MYO16: variants seen among roughly 807,000 people sequenced by gnomAD.
MYO16 encodes the protein unconventional myosin-XVI.
Under a neutral mutation model 205.3 loss-of-function variants are expected in MYO16, and 94 were observed. The ratio of observed to expected loss-of-function variants is 0.46; its 90% CI spans 0.39 to 0.54. The LOEUF (loss-of-function observed/expected upper bound fraction) is 0.54, where lower values mean the gene tolerates loss of function less well. Among genes scored for constraint, MYO16 ranks in the 20% least tolerant of loss-of-function variants. The pLI is 0.00. For synonymous variants in MYO16, 988 were observed against 954.0 expected, an observed-to-expected ratio of 1.04 and a Z score of -0.66; for missense variants, 2,315 against 2,387.5, an observed-to-expected ratio of 0.97 and a Z score of 0.63.
the MYO16 span, among the ~76,000 whole-genome samples, chr13:108,581,622 A>C: frequency 2.0e-5 from 3 of 152,090 alleles, no homozygotes; most frequent in African/African-American, 7.2e-5. Flanking sequence ...GCAATGGTTC[A>C]TGCCTGTAAT....
intron 16 of MYO16, among the ~76,000 whole-genome samples, chr13:108,911,803 C>A (rs76264736): frequency 2.0e-5 from 3 of 151,822 alleles, no homozygotes; most frequent in African/African-American, 7.3e-5. Flanking sequence ...GTGGTGCAGG[C>A]GATGAGGAAT....
chr13:109,060,796 C>T (rs1887569051), intron 27 of MYO16, among the ~76,000 whole-genome samples: 1 of 152,098 alleles, frequency 6.6e-6, no homozygotes, highest in Non-Finnish European at 1.5e-5. Flanking sequence ...AAATTACCAG[C>T]TGTATTAGCC....
intron 1 of MYO16, among the ~76,000 whole-genome samples, chr13:108,637,868 G>T (rs900014158): frequency 1.3e-5 from 2 of 151,588 alleles, no homozygotes; most frequent in Non-Finnish European, 2.9e-5. Flanking sequence ...CAAATAAATA[G>T]ATTAATTAAT....
At chr13:109,011,537 CAG>C (rs925031303) in intron 22 of MYO16, among the ~76,000 whole-genome samples, 4 of 129,830 alleles carry the variant, frequency 3.1e-5, no homozygotes, top group Non-Finnish European at 4.7e-5. Context: ...TTGTTTGAGA[CAG>C]AGTCTCGCTC....
the MYO16 span, among the ~76,000 whole-genome samples, chr13:108,507,674 G>T: frequency 6.6e-6 from 1 of 152,048 alleles, no homozygotes; most frequent in South Asian, 2.1e-4. Context: ...GATTAGAGAA[G>T]TTTCCAGCCA....
intron 20 of MYO16, among the ~76,000 whole-genome samples, chr13:108,981,399 T>C (rs1176293033): frequency 6.6e-6 from 1 of 152,268 alleles, no homozygotes; most frequent in Non-Finnish European, 1.5e-5. Context: ...ATCCATGCCA[T>C]GTACAATATA....
chr13:109,065,751 C>T (rs533169764), intron 27 of MYO16, among the ~76,000 whole-genome samples: 4 of 152,220 alleles, frequency 2.6e-5, no homozygotes, highest in African/African-American at 4.8e-5. Flanking sequence ...ATCTTCATCC[C>T]GGCTTATGAG....
chr13:109,140,190 A>T lies in MYO16; in HGVS notation c.4052-74A>T. 1 of 1,558,530 alleles carries T rather than the reference A, an allele frequency of 6.4e-7. No homozygotes were observed. Among genetic ancestry groups the T allele is most frequent in the Non-Finnish European group, 8.6e-7 (1 of 1,161,518 alleles). ...GGGCACGGGGCCGTGGCTCCCTCCGAGTCGAGCCCCGGGCTTGGTGGGCAC... is the reference window on the plus strand; with the variant it reads ...GGGCACGGGGCCGTGGCTCCCTCCGTGTCGAGCCCCGGGCTTGGTGGGCAC... On this transcript the variant is annotated intron_variant, in intron 31 of 34. Transcript: ENST00000457511. This position sits in a 1 kb window ranked among gnomAD's most constrained non-coding sequence, Gnocchi z 8.0.
chr13:109,146,829 GAGAA>G (rs1009200042), intron 32 of MYO16, among the ~76,000 whole-genome samples: 1 of 147,772 alleles, frequency 6.8e-6, no homozygotes, highest in African/African-American at 2.5e-5. Context: ...GAAAGAAAGA[GAGAA>G]AGAGAAAAAG....
chr13:109,014,611 C>G (rs1885739069), intron 22 of MYO16, among the ~76,000 whole-genome samples: 2 of 152,224 alleles, frequency 1.3e-5, no homozygotes, highest in Admixed American at 6.5e-5. Context: ...TTGGAATGTT[C>G]TTCCATTTGT....
intron 7 of MYO16, among the ~76,000 whole-genome samples, chr13:108,814,773 G>A (rs1887398732): frequency 6.6e-6 from 1 of 152,264 alleles, no homozygotes; most frequent in East Asian, 1.9e-4. Context: ...TTTTTATAGT[G>A]AGAACACTGG....
At chr13:108,675,316 T>G (rs1882154421) in intron 2 of MYO16, among the ~76,000 whole-genome samples, 2 of 152,194 alleles carry the variant, frequency 1.3e-5, no homozygotes, top group Admixed American at 6.5e-5. Flanking sequence ...ATAGATACAT[T>G]CAGTGCATTA....
the MYO16 span, among the ~76,000 whole-genome samples, chr13:108,527,311 A>G: frequency 6.6e-6 from 1 of 152,194 alleles, no homozygotes; most frequent in Non-Finnish European, 1.5e-5. Flanking sequence ...GACAAGCTGC[A>G]GATTAACTGT....
intron 2 of MYO16, among the ~76,000 whole-genome samples, chr13:108,711,250 G>A (rs997933646): frequency 6.6e-5 from 10 of 152,212 alleles, no homozygotes; most frequent in African/African-American, 7.2e-5. Flanking sequence ...GACACGAGCT[G>A]TCAGGTTACA....
intron 27 of MYO16, among the ~76,000 whole-genome samples, chr13:109,067,616 C>A (rs900897254): frequency 6.6e-6 from 1 of 152,164 alleles, no homozygotes; most frequent in African/African-American, 2.4e-5. Context: ...GGCACTGTGA[C>A]ATCAGGTGAA....
chr13:108,954,401 G>A (rs892881714), intron 16 of MYO16, among the ~76,000 whole-genome samples: 6 of 152,162 alleles, frequency 3.9e-5, no homozygotes, highest in East Asian at 3.9e-4. Context: ...AACCTGCTGC[G>A]AGGACCAGAA....
intron 2 of MYO16, among the ~76,000 whole-genome samples, chr13:108,695,672 GTTAC>G (rs1417126306): frequency 6.6e-6 from 1 of 151,980 alleles, no homozygotes; most frequent in African/African-American, 2.4e-5. Flanking sequence ...TTAGTAAGCA[GTTAC>G]TTACTAAAAT....
At chr13:109,136,377 G>T (rs1876778568) in intron 31 of MYO16, among the ~76,000 whole-genome samples, 1 of 152,192 alleles carries the variant, frequency 6.6e-6, no homozygotes, top group Non-Finnish European at 1.5e-5. Flanking sequence ...GCAGGCATGA[G>T]TCACTGTGCC....
chr13:109,048,409 ATTT>A, intron 24 of MYO16: 3 of 548,914 alleles, frequency 5.5e-6, no homozygotes, highest in Non-Finnish European at 6.8e-6. Flanking sequence ...GAGGTGTCAG[ATTT>A]TTTTTTTTGT....
Sources: gnomAD v4.1 joint callset for allele counts (sites outside exome capture counted in the v4.1 genomes callset) on GRCh38, gnomAD v4.1.1 for gene constraint, Gnocchi (gnomAD v3.1) non-coding constraint, MANE v1.5 for transcripts, NCBI Gene and HGNC (gene_info 2026-07-23, HGNC 2026-07-21) for gene names.